Variants in ZHX1 observed in about 807,000 individuals in gnomAD.
ZHX1 encodes the protein zinc fingers and homeoboxes protein 1.
Under a neutral mutation model 61.8 loss-of-function variants are expected in ZHX1, and 20 were observed. The observed-to-expected ratio is 0.32, with a 90% CI of 0.23 to 0.47. The LOEUF (loss-of-function observed/expected upper bound fraction) is 0.47, where lower values mean the gene tolerates loss of function less well. ZHX1 is among the 20% of genes least tolerant of loss of function. The pLI is 1.00. For synonymous variants in ZHX1, 318 were observed against 352.6 expected, an observed-to-expected ratio of 0.90 and a Z score of 1.10; for missense variants, 800 against 1,034.8, an observed-to-expected ratio of 0.77 and a Z score of 3.11.
chr8:123,252,298 T>C (rs1825941496), intron 3 of ZHX1: 1 of 152,238 alleles, frequency 6.6e-6, no homozygotes, highest in South Asian at 2.1e-4. Flanking sequence ...AATAAAACTA[T>C]GTTATTAAAT....
intron 2 of ZHX1, among the ~76,000 whole-genome samples, chr8:123,259,485 G>A (rs934389472): frequency 6.6e-6 from 1 of 151,608 alleles, no homozygotes; most frequent in African/African-American, 2.4e-5. Context: ...CAGACATGGT[G>A]GTACACATCT....
At chr8:123,259,526 G>A (rs1236562780) in intron 2 of ZHX1, among the ~76,000 whole-genome samples, 1 of 152,076 alleles carries the variant, frequency 6.6e-6, no homozygotes, top group Non-Finnish European at 1.5e-5. Context: ...GCTAAGGCAG[G>A]AAGATTCCCT....
rs777114142 is a variant in ZHX1 at position 123,253,581 on chromosome 8, T to C, written c.2366A>G (p.Tyr789Cys). The stretch of plus-strand genomic sequence containing the variant: ...CTCATTAAGAAACTTGTGCTTCAGG[T>C]AATAATCCTTAAGTATTGCAGTTCC... ...KTGTAILKDY[Y>C]LKHKFLNEQD... Residue 789 changes from tyrosine to cysteine, a missense_variant, in exon 3 of 4, where the codon TAC (tyrosine) becomes TGC (cysteine). Transcript: ENST00000395571. 9.9e-6 allele frequency: 16 copies of C among 1,614,126 alleles called. No individual in the cohort carries two copies. In the African/African-American group the frequency reaches 2.0e-4, roughly 20 times the overall value.
At chr8:123,258,796 T>G (rs1563811477) in intron 2 of ZHX1, among the ~76,000 whole-genome samples, 1 of 152,196 alleles carries the variant, frequency 6.6e-6, no homozygotes, top group African/African-American at 2.4e-5. Flanking sequence ...ATTTTATACC[T>G]AAAATTTTTA....
chr8:123,267,270 T>C lies in ZHX1; in HGVS notation c.-226+3A>G, dbSNP rs185813582. ...TACCATACCAAAACAATGAAACACA[T>C]ACTTGCCACAGCTTCCTTAGCATTC... On this transcript the variant is annotated splice_donor_region_variant and intron_variant, in intron 2 of 3. Transcript: ENST00000395571. 5 of 1,531,698 alleles carry C rather than the reference T, an allele frequency of 3.3e-6. No individual in the cohort carries two copies. The highest frequency in any genetic ancestry group is 2.5e-5 in the East Asian group (1 of 40,774). The allele number at this position is 1,531,698 out of a possible 1,614,324, so 94.9% of individuals were successfully genotyped here.
chr8:123,273,526 G>A (rs1218373866), intron 1 of ZHX1, among the ~76,000 whole-genome samples: 1 of 152,108 alleles, frequency 6.6e-6, no homozygotes, highest in Non-Finnish European at 1.5e-5. Flanking sequence ...TGGTTCTTAA[G>A]GACTCAACTC....
At chr8:123,266,646 A>T (rs1826469674) in intron 2 of ZHX1, among the ~76,000 whole-genome samples, 1 of 152,162 alleles carries the variant, frequency 6.6e-6, no homozygotes, top group South Asian at 2.1e-4. Context: ...TTTTTACGTC[A>T]CACAGGTAAT....
intron 2 of ZHX1, among the ~76,000 whole-genome samples, chr8:123,263,182 T>C (rs893812092): frequency 2.0e-5 from 3 of 151,748 alleles, no homozygotes; most frequent in African/African-American, 7.3e-5. Flanking sequence ...AGAAGTCAGA[T>C]TGGCTCTAAG....
rs1826491647 is a variant in ZHX1 at position 123,267,371 on chromosome 8, A to C, written c.-324T>G. The C allele has an allele frequency of 8.3e-7, 1 of 1,202,906 alleles. No individual in the cohort carries two copies. The highest frequency in any genetic ancestry group is 2.2e-5 in the Admixed American group (1 of 44,574). The allele number at this position is 1,202,906 out of a possible 1,614,324, so 74.5% of individuals were successfully genotyped here. ...CCATCATTACCAACAGGTCCAAAGC[A>C]GCAGTCTGTCTTCTCCTACAAAAAA... On this transcript the variant is annotated 5_prime_UTR_variant, in exon 2 of 4. Transcript: ENST00000395571.
chr8:123,263,740 A>T (rs1826361635), intron 2 of ZHX1, among the ~76,000 whole-genome samples: 2 of 152,110 alleles, frequency 1.3e-5, no homozygotes. Context: ...AGACTGAGGC[A>T]GGAGAATCAC....
At chr8:123,272,871 A>T (rs755348719) in intron 1 of ZHX1, among the ~76,000 whole-genome samples, 1 of 152,174 alleles carries the variant, frequency 6.6e-6, no homozygotes, top group Non-Finnish European at 1.5e-5. Context: ...CTATCACATT[A>T]ACCTCCAAGA....
chr8:123,272,764 C>A (rs1024659781), intron 1 of ZHX1, among the ~76,000 whole-genome samples: 1 of 152,108 alleles, frequency 6.6e-6, no homozygotes, highest in South Asian at 2.1e-4. Context: ...ACACACACCC[C>A]AAACCAAATA....
chr8:123,255,987 A>G lies in ZHX1; in HGVS notation c.-41T>C. Reference sequence around the variant, plus strand: ...AAAAGCTCAGTGGTGATTAAAAAGCATCGAGGCTTAAAACTGTTCAGTGTT... The same window carrying G: ...AAAAGCTCAGTGGTGATTAAAAAGCGTCGAGGCTTAAAACTGTTCAGTGTT... On this transcript the variant is annotated 5_prime_UTR_variant, in exon 3 of 4. An upstream start codon of the reference 5' UTR is lost. Coordinates refer to ENST00000395571, the MANE Select transcript of ZHX1 (RefSeq NM_007222.5). 1.9e-6 allele frequency: 3 copies of G among 1,539,678 alleles called. No homozygotes were observed. The highest frequency in any genetic ancestry group is 1.3e-5 in the South Asian group (1 of 78,398).
At chr8:123,271,363 C>T (rs900558040) in intron 1 of ZHX1, among the ~76,000 whole-genome samples, 4 of 152,090 alleles carry the variant, frequency 2.6e-5, no homozygotes. Context: ...TACTGGCTAG[C>T]ACCATAAACA....
At chr8:123,265,594 A>G (rs1826430225) in intron 2 of ZHX1, among the ~76,000 whole-genome samples, 1 of 152,244 alleles carries the variant, frequency 6.6e-6, no homozygotes, top group African/African-American at 2.4e-5. Flanking sequence ...AATAAAAATA[A>G]AATGTTAAAA....
At chr8:123,262,013 G>A (rs1312340139) in intron 2 of ZHX1, among the ~76,000 whole-genome samples, 1 of 152,038 alleles carries the variant, frequency 6.6e-6, no homozygotes, top group Non-Finnish European at 1.5e-5. Context: ...CTATTTGAAG[G>A]TCAACTAAAA....
chr8:123,270,543 G>A (rs184300199), intron 1 of ZHX1, among the ~76,000 whole-genome samples: 8 of 152,172 alleles, frequency 5.3e-5, no homozygotes, highest in Non-Finnish European at 1.0e-4. Context: ...CATGTTGGGA[G>A]GCCAAGGCAG....
chr8:123,273,419 G>C (rs1387122025), intron 1 of ZHX1, among the ~76,000 whole-genome samples: 1 of 152,096 alleles, frequency 6.6e-6, no homozygotes. Context: ...CTAAGGCTTG[G>C]AGGATTCCCA....
chr8:123,261,509 G>A (rs1432853714), intron 2 of ZHX1, among the ~76,000 whole-genome samples: 1 of 152,158 alleles, frequency 6.6e-6, no homozygotes, highest in Non-Finnish European at 1.5e-5. Context: ...TGGTGACCAA[G>A]ACAGGCAGTC....
Sources: allele counts gnomAD v4.1 joint callset (sites outside exome capture counted in the v4.1 genomes callset), GRCh38; gene constraint gnomAD v4.1.1; transcripts MANE v1.5; gene names NCBI Gene and HGNC (gene_info 2026-07-23, HGNC 2026-07-21).